MEGF11: variants seen among roughly 807,000 people sequenced by gnomAD.
MEGF11 encodes multiple EGF like domains 11.
A neutral mutation model predicts 146.6 loss-of-function variants in MEGF11; 126 were observed. That is an observed-to-expected ratio of 0.86 (90% CI 0.74 to 1.00). MEGF11 has a LOEUF of 1.00. Ranked by LOEUF, MEGF11 falls within the 50% of genes least tolerant of loss-of-function variation. The probability of loss-of-function intolerance (pLI) is 0.00; values close to 1 mark genes in which losing one functional copy is unlikely to be tolerated. For synonymous variants in MEGF11, 532 were observed against 583.4 expected, an observed-to-expected ratio of 0.91 and a Z score of 1.27; for missense variants, 1,509 against 1,521.2, an observed-to-expected ratio of 0.99 and a Z score of 0.13.
At chr15:66,198,750 G>T (rs1358839073) in intron 1 of MEGF11, among the ~76,000 whole-genome samples, 1 of 152,060 alleles carries the variant, frequency 6.6e-6, no homozygotes, top group African/African-American at 2.4e-5. Flanking sequence ...CTCCGAAAGT[G>T]CTGGATTACT....
Position 65,972,034 on chromosome 15 carries a change from TA to T in MEGF11, c.763-1346del. On this transcript the variant is annotated intron_variant, in intron 7 of 25. Coordinates refer to ENST00000395614, the MANE Select transcript of MEGF11 (RefSeq NM_001385028.1). Reference sequence around the variant, plus strand: ...GGAAAGAGGTCTTGAAAATTAAAAATAAAATGGTGGAAATTAAAATGTTGCA... The same window carrying T: ...GGAAAGAGGTCTTGAAAATTAAAAATAAATGGTGGAAATTAAAATGTTGCA... Among the ~76,000 whole-genome samples the T allele has an allele frequency of 1.3e-5, 2 of 151,642 alleles. 1 individual carries two copies. The highest frequency in any genetic ancestry group is 3.9e-4 in the East Asian group (2 of 5,180).
chr15:65,955,818 C>G lies in MEGF11; in HGVS notation c.1287+1729G>C, dbSNP rs1471671405. 5.3e-3 allele frequency among the ~76,000 whole-genome samples: 9 copies of G among 1,712 alleles called. 1 individual carries two copies. The highest frequency in any genetic ancestry group is 6.3e-3 in the African/African-American group (9 of 1,426). The allele number at this position is 1,712 out of a possible 152,430, so 1.1% of individuals were successfully genotyped here. A position where few individuals can be genotyped will look rare whatever the true frequency, so the allele number is the denominator to read the frequency against. On this transcript the variant is annotated intron_variant, in intron 10 of 25. Coordinates refer to ENST00000395614, the MANE Select transcript of MEGF11 (RefSeq NM_001385028.1). The stretch of plus-strand genomic sequence containing the variant: ...TACACACACACACACACACACAATA[C>G]TTTAAATATATAACATGTAATCAAT...
At chr15:66,225,779 T>C (rs1427760325) in intron 1 of MEGF11, among the ~76,000 whole-genome samples, 2 of 152,136 alleles carry the variant, frequency 1.3e-5, no homozygotes. Flanking sequence ...CATGAAGGCA[T>C]ATGTTTACAA....
rs142463115 is a variant in MEGF11 at position 66,025,322 on chromosome 15, G to C, written c.395-42834C>G. Reference sequence around the variant, plus strand: ...TCCCAGGCTGATTCCTGAGTGGGGGGGCTCCTCGTGGTCCACTCCTGCTTG... The same window carrying C: ...TCCCAGGCTGATTCCTGAGTGGGGGCGCTCCTCGTGGTCCACTCCTGCTTG... On this transcript the variant is annotated intron_variant, in intron 5 of 25. Coordinates refer to ENST00000395614, the MANE Select transcript of MEGF11 (RefSeq NM_001385028.1). 6.9e-4 allele frequency among the ~76,000 whole-genome samples: 105 copies of C among 152,178 alleles called. 1 individual carries two copies. Among genetic ancestry groups the C allele is most frequent in the African/African-American group, 2.3e-3 (96 of 41,508 alleles).
In MEGF11 at chr15:65,918,069, C is replaced by T; in HGVS notation, c.1983G>A (p.Gln661=). ...NQVCAGGYFG[Q]DCAQLCSCAN... ...CACAGGAGCAGAGCTGGGCACAGTC[C>T]TGCCCAAAGTATCCTCCAGCACACA... Residue 661 remains glutamine (Q), a synonymous_variant, in exon 16 of 26, where the codon CAG becomes CAA. Coordinates refer to ENST00000395614, the MANE Select transcript of MEGF11 (RefSeq NM_001385028.1). 6.2e-7 allele frequency: 1 copy of T among 1,613,974 alleles called. No homozygotes were observed. Among genetic ancestry groups the T allele is most frequent in the Non-Finnish European group, 8.5e-7 (1 of 1,179,876 alleles).
chr15:65,977,477 C>CTTTT (rs1180788795), intron 7 of MEGF11, among the ~76,000 whole-genome samples: 81 of 130,362 alleles, frequency 6.2e-4, no homozygotes, highest in African/African-American at 2.3e-3. Context: ...CTCTCTCCCT[C>CTTTT]TTTTTTTTTT....
At chr15:66,055,723 G>C (rs2084647226) in intron 5 of MEGF11, among the ~76,000 whole-genome samples, 1 of 152,208 alleles carries the variant, frequency 6.6e-6, no homozygotes, top group Non-Finnish European at 1.5e-5. Context: ...CCAACTTGTT[G>C]TTCAGTTACT....
At chr15:65,955,765 T>A (rs868817139) in intron 10 of MEGF11, among the ~76,000 whole-genome samples, 431 of 4,708 alleles carry the variant, frequency 0.092, 45 homozygotes, top group Middle Eastern at 1. Flanking sequence ...AAAAAAAATA[T>A]ATATATATAT....
At chr15:65,944,645 C>A (rs1023536782) in intron 10 of MEGF11, among the ~76,000 whole-genome samples, 2 of 152,144 alleles carry the variant, frequency 1.3e-5, no homozygotes, top group African/African-American at 4.8e-5. Context: ...GTGTTCCAGC[C>A]TGTTTTAGAA....
intron 5 of MEGF11, among the ~76,000 whole-genome samples, chr15:66,020,999 A>T (rs1474622946): frequency 1.2e-3 from 1 of 832 alleles, no homozygotes; most frequent in East Asian, 0.071. Flanking sequence ...CTCAAAAAAA[A>T]AAAAAAAAAA....
intron 10 of MEGF11, among the ~76,000 whole-genome samples, chr15:65,934,224 A>C (rs2079683454): frequency 6.6e-6 from 1 of 152,114 alleles, no homozygotes; most frequent in Non-Finnish European, 1.5e-5. Flanking sequence ...AATCCTTAGA[A>C]TCTCCAAAGT....
intron 1 of MEGF11, among the ~76,000 whole-genome samples, chr15:66,129,258 G>T (rs2088537377): frequency 6.6e-6 from 1 of 152,186 alleles, no homozygotes; most frequent in Non-Finnish European, 1.5e-5. Flanking sequence ...TTCCTGTCCT[G>T]GCACTCCAGG....
At position 66,205,303 on chromosome 15, in the gene MEGF11, A is replaced by T. The variant is rs138083115; in HGVS notation, c.-9+48302T>A. Among the ~76,000 whole-genome samples the T allele has an allele frequency of 6.1e-4, 93 of 152,270 alleles. No individual in the cohort carries two copies. In the East Asian group the frequency reaches 0.015, roughly 24 times the overall value. ...AAAAAATTTAAAAACTTAGCCGGGCATGGTAGCACGTACCTGGATAGTCCA... is the reference window on the plus strand; with the variant it reads ...AAAAAATTTAAAAACTTAGCCGGGCTTGGTAGCACGTACCTGGATAGTCCA... On this transcript the variant is annotated intron_variant, in intron 1 of 25. Coordinates refer to ENST00000395614, the MANE Select transcript of MEGF11 (RefSeq NM_001385028.1).
chr15:65,965,266 C>T, intron 8 of MEGF11, 146 bp from the exon 9 acceptor site: 1 of 613,566 alleles, frequency 1.6e-6, no homozygotes, highest in Middle Eastern at 4.4e-4. Flanking sequence ...TTTTCTCTCT[C>T]CTCCTCCAGG....
chr15:66,135,826 C>T (rs992636115), intron 1 of MEGF11, among the ~76,000 whole-genome samples: 12 of 152,200 alleles, frequency 7.9e-5, no homozygotes, highest in Non-Finnish European at 1.8e-4. Flanking sequence ...AGTACCAGTT[C>T]CCCTCTGCCT....
chr15:66,013,026 T>G (rs2082759534), intron 5 of MEGF11, among the ~76,000 whole-genome samples: 1 of 152,254 alleles, frequency 6.6e-6, no homozygotes, highest in Admixed American at 6.5e-5. Context: ...GATTCTCCTC[T>G]TTCGCCTTGT....
intron 5 of MEGF11, among the ~76,000 whole-genome samples, chr15:66,093,792 C>T (rs1279204511): frequency 1.3e-5 from 2 of 152,176 alleles, no homozygotes; most frequent in Non-Finnish European, 2.9e-5. Context: ...TGCACCATGC[C>T]ACTGTGGGTC....
At chr15:66,017,952 G>A (rs190745057) in intron 5 of MEGF11, among the ~76,000 whole-genome samples, 75 of 152,314 alleles carry the variant, frequency 4.9e-4, no homozygotes, top group Admixed American at 4.4e-3. Context: ...GGAGCCGCTC[G>A]CAGGGCAGGC....
intron 1 of MEGF11, among the ~76,000 whole-genome samples, chr15:66,226,253 C>CT (rs1317609352): frequency 1.4e-3 from 189 of 137,152 alleles, no homozygotes; most frequent in Middle Eastern, 3.6e-3. Context: ...CCTTATTTTA[C>CT]TTTTTTTTTT....
Sources: allele counts gnomAD v4.1 joint callset (sites outside exome capture counted in the v4.1 genomes callset), GRCh38; gene constraint gnomAD v4.1.1; transcripts MANE v1.5; gene names NCBI Gene and HGNC (gene_info 2026-07-23, HGNC 2026-07-21).